The following SLC9A9 variants were observed in gnomAD, a reference collection of about 807,000 sequenced individuals.
The protein encoded by SLC9A9 is sodium/hydrogen exchanger 9.
SLC9A9 carries 62 observed loss-of-function variants against 77.8 expected under a neutral mutation model. That is an observed-to-expected ratio of 0.80 (90% CI 0.65 to 0.98). The LOEUF is 0.98. SLC9A9 is among the 50% of genes least tolerant of loss of function. The pLI is 0.00. For missense variants in SLC9A9, 775 were observed against 774.9 expected (o/e 1.00, Z 0.00); for synonymous variants, 320 against 283.5 (o/e 1.13, Z -1.29).
intron 2 of SLC9A9, among the ~76,000 whole-genome samples, chr3:143,816,206 T>C (rs937727860): frequency 1.3e-5 from 2 of 152,156 alleles, no homozygotes; most frequent in Non-Finnish European, 2.9e-5. Context: ...TTGTATATTT[T>C]TACTTTATTA....
intron 14 of SLC9A9, among the ~76,000 whole-genome samples, chr3:143,308,856 C>T (rs886630232): frequency 1.3e-5 from 2 of 152,104 alleles, no homozygotes; most frequent in African/African-American, 2.4e-5. Flanking sequence ...TGGCCTCTTC[C>T]AGAAAGACAC....
chr3:143,455,658 C>T (rs1029026962), intron 12 of SLC9A9, among the ~76,000 whole-genome samples: 3 of 152,078 alleles, frequency 2.0e-5, no homozygotes, highest in Non-Finnish European at 2.9e-5. Context: ...CAAGTATTTA[C>T]ATTTTTTTGA....
chr3:143,370,567 GCACACACA>G (rs57705324), intron 13 of SLC9A9, among the ~76,000 whole-genome samples: 14,322 of 143,394 alleles, frequency 0.1, 1,220 homozygotes, highest in African/African-American at 0.24. Context: ...GCATGTGCGC[GCACACACA>G]CACACACACA....
intron 14 of SLC9A9, among the ~76,000 whole-genome samples, chr3:143,282,151 C>G (rs549339746): frequency 6.6e-6 from 1 of 152,248 alleles, no homozygotes; most frequent in East Asian, 1.9e-4. Context: ...CTCTTACATT[C>G]TAATTATTCA....
At chr3:143,611,270 CAGAAG>C (rs1292097523) in intron 6 of SLC9A9, among the ~76,000 whole-genome samples, 1 of 151,780 alleles carries the variant, frequency 6.6e-6, no homozygotes, top group Admixed American at 6.6e-5. Flanking sequence ...AATTGAAAAG[CAGAAG>C]AGAAAAGATG....
chr3:143,517,159 G>A (rs2036214858), intron 9 of SLC9A9: 5 of 1,542,998 alleles, frequency 3.2e-6, no homozygotes, highest in South Asian at 1.1e-5. Flanking sequence ...ATTTACTGAT[G>A]AGATTCATAA....
chr3:143,326,546 C>A (rs536628519), intron 14 of SLC9A9, among the ~76,000 whole-genome samples: 13 of 152,130 alleles, frequency 8.5e-5, no homozygotes, highest in Non-Finnish European at 1.9e-4. Flanking sequence ...TCCCCCCAGG[C>A]CTTTGCATGT....
At chr3:143,362,117 T>A (rs980534752) in intron 14 of SLC9A9, among the ~76,000 whole-genome samples, 1 of 152,152 alleles carries the variant, frequency 6.6e-6, no homozygotes, top group African/African-American at 2.4e-5. Flanking sequence ...AGAACGAGCT[T>A]CCCTTAGAGA....
intron 12 of SLC9A9, among the ~76,000 whole-genome samples, chr3:143,431,185 T>C (rs6793522): frequency 0.54 from 82,536 of 151,948 alleles, 24,464 homozygotes; most frequent in African/African-American, 0.79. Context: ...CCATCTGCCT[T>C]CCTTCTCTAA....
chr3:143,826,237 C>T (rs189582208), intron 2 of SLC9A9, among the ~76,000 whole-genome samples: 239 of 149,326 alleles, frequency 1.6e-3, no homozygotes, highest in African/African-American at 5.0e-3. Context: ...GCAGCCTGGG[C>T]GACAGAGCAA....
intron 14 of SLC9A9, among the ~76,000 whole-genome samples, chr3:143,333,675 A>AG (rs35806727): frequency 0.57 from 86,594 of 152,064 alleles, 26,237 homozygotes; most frequent in African/African-American, 0.77. Context: ...AGAATGCACA[A>AG]AGTGAAGAAT....
At chr3:143,325,628 AGCCAGAG>A (rs2031571107) in intron 14 of SLC9A9, among the ~76,000 whole-genome samples, 1 of 152,228 alleles carries the variant, frequency 6.6e-6, no homozygotes. Context: ...AGAAACTGAC[AGCCAGAG>A]ACACCCTTGG....
At chr3:143,813,875 A>G (rs1371325970) in intron 2 of SLC9A9, among the ~76,000 whole-genome samples, 1 of 152,162 alleles carries the variant, frequency 6.6e-6, no homozygotes, top group African/African-American at 2.4e-5. Context: ...GTCTGTGCAG[A>G]TTAGTTTGCA....
chr3:143,346,741 C>T (rs954188671), intron 14 of SLC9A9, among the ~76,000 whole-genome samples: 1 of 151,888 alleles, frequency 6.6e-6, no homozygotes, highest in East Asian at 1.9e-4. Context: ...TGCCGTGAGC[C>T]GAGATAGTGC....
chr3:143,783,837 A>T (rs1367876008), intron 4 of SLC9A9, among the ~76,000 whole-genome samples: 2 of 152,230 alleles, frequency 1.3e-5, no homozygotes, highest in East Asian at 3.8e-4. Flanking sequence ...ATTACTCTCC[A>T]AGGCCCGGGA....
chr3:143,417,668 G>A (rs1216522739), intron 12 of SLC9A9, among the ~76,000 whole-genome samples: 1 of 152,044 alleles, frequency 6.6e-6, no homozygotes, highest in African/African-American at 2.4e-5. Context: ...CAGCAAGTCA[G>A]GAGGAGAGCC....
chr3:143,360,349 C>T (rs1005381031), intron 14 of SLC9A9, among the ~76,000 whole-genome samples: 1 of 152,228 alleles, frequency 6.6e-6, no homozygotes, highest in African/African-American at 2.4e-5. Context: ...CTTCTTTGTA[C>T]TCCATAATTT....
At chr3:143,513,159 C>T (rs1215367542) in intron 9 of SLC9A9, among the ~76,000 whole-genome samples, 2 of 152,192 alleles carry the variant, frequency 1.3e-5, no homozygotes, top group Admixed American at 6.5e-5. Context: ...GCATGTGATG[C>T]TATTTGATAG....
At chr3:143,325,511 C>T (rs563283179) in intron 14 of SLC9A9, among the ~76,000 whole-genome samples, 6 of 152,244 alleles carry the variant, frequency 3.9e-5, no homozygotes, top group Non-Finnish European at 8.8e-5. Context: ...TCATCTGTCT[C>T]TGACTGCATG....
Sources: allele counts gnomAD v4.1 joint callset (sites outside exome capture counted in the v4.1 genomes callset), GRCh38; gene constraint gnomAD v4.1.1; transcripts MANE v1.5; gene names NCBI Gene and HGNC (gene_info 2026-07-23, HGNC 2026-07-21).